The following AP4E1 variants were observed in gnomAD, a reference collection of about 807,000 sequenced individuals.
AP4E1 encodes the protein adaptor related protein complex 4 subunit epsilon 1, also known as AP-4 complex subunit epsilon-1.
Under a neutral mutation model 128.2 loss-of-function variants are expected in AP4E1, and 56 were observed. That is an observed-to-expected ratio of 0.44 (90% confidence interval 0.35 to 0.55). The LOEUF is 0.55. AP4E1 is among the 20% of genes least tolerant of loss of function. The pLI, the probability that AP4E1 is intolerant of heterozygous loss-of-function variation, is 0.00. For missense variants in AP4E1, 1,324 were observed against 1,307.7 expected (o/e 1.01, Z -0.19); for synonymous variants, 484 against 473.1 (o/e 1.02, Z -0.30).
Position 50,952,624 on chromosome 15 carries a change from T to C in AP4E1, c.1548+2455T>C, listed in dbSNP as rs117208868. Among the ~76,000 whole-genome samples, 551 of 152,270 alleles carry C rather than the reference T, an allele frequency of 3.6e-3. 13 individuals are homozygous for C. The highest frequency in any genetic ancestry group is 3.9e-3 in the East Asian group (20 of 5,190). On this transcript the variant is annotated intron_variant, in intron 13 of 20. Coordinates refer to ENST00000261842, the MANE Select transcript of AP4E1 (RefSeq NM_007347.5). Reference sequence around the variant, plus strand: ...ATGTCTCTTAGGGCTATTATTCTCCTCCTTTCAATCCCAGATCCAGTTGAG... The same window carrying C: ...ATGTCTCTTAGGGCTATTATTCTCCCCCTTTCAATCCCAGATCCAGTTGAG...
intron 3 of AP4E1, among the ~76,000 whole-genome samples, chr15:50,919,988 G>A (rs796601947): frequency 1.0e-3 from 153 of 147,986 alleles, no homozygotes; most frequent in African/African-American, 3.6e-3. Flanking sequence ...GGGGTCAGAG[G>A]ATTGCTTGAA....
At chr15:50,954,003 C>T (rs576614774) in intron 13 of AP4E1, among the ~76,000 whole-genome samples, 3 of 152,168 alleles carry the variant, frequency 2.0e-5, no homozygotes, top group Non-Finnish European at 2.9e-5. Context: ...GTACTATTTT[C>T]GGATTCAGGC....
intron 15 of AP4E1, among the ~76,000 whole-genome samples, chr15:50,980,917 A>G (rs1479349945): frequency 3.3e-5 from 5 of 152,178 alleles, no homozygotes; most frequent in African/African-American, 9.7e-5. Context: ...GGCGTCCTCC[A>G]CCTAGATTTC....
At chr15:50,948,292 C>T in intron 11 of AP4E1, 133 bp downstream of exon 11, 1 of 1,147,704 alleles carries the variant, frequency 8.7e-7, no homozygotes, top group Non-Finnish European at 1.2e-6. Context: ...GATTTTCAAG[C>T]CTCTCTTGTC....
rs754108995 is a variant in AP4E1 at position 50,997,488 on chromosome 15, G to A, written c.2509G>A (p.Asp837Asn). Residue 837 changes from aspartate (D) to asparagine (N), a missense_variant, in exon 18 of 21, where the codon GAT (aspartate) becomes AAT (asparagine). Physicochemically the swap from Asp to Asn is conservative, Grantham distance 23. Coordinates refer to ENST00000261842, the MANE Select transcript of AP4E1 (RefSeq NM_007347.5). Reference protein sequence around the residue: ...EDDYYSNTLHDTGDKELKKFS... With the variant: ...EDDYYSNTLHNTGDKELKKFS... ...TGATTATTATTCGAATACTTTGCACGATACAGGAGACAAGGAATTAAAGAA... is the reference window on the plus strand; with the variant it reads ...TGATTATTATTCGAATACTTTGCACAATACAGGAGACAAGGAATTAAAGAA... 2.0e-5 allele frequency: 33 copies of A among 1,613,896 alleles called. No individual in the cohort carries two copies. Among genetic ancestry groups the A allele is most frequent in the Non-Finnish European group, 2.5e-5 (30 of 1,179,974 alleles).
intron 1 of AP4E1, 131 bp from the exon 2 acceptor site, chr15:50,911,941 AGTATTT>A: frequency 1.4e-6 from 1 of 732,932 alleles, no homozygotes; most frequent in Non-Finnish European, 2.4e-6. Context: ...GTAAGCAGAT[AGTATTT>A]GTAACTCTCC....
chr15:50,944,342 A>G (rs557030259), intron 10 of AP4E1, among the ~76,000 whole-genome samples: 46 of 152,292 alleles, frequency 3.0e-4, no homozygotes, highest in Admixed American at 2.9e-3. Flanking sequence ...GGAGCTACCA[A>G]GTCTGAATAG....
At chr15:50,968,940 C>T (rs758298541) in intron 15 of AP4E1, among the ~76,000 whole-genome samples, 7 of 146,768 alleles carry the variant, frequency 4.8e-5, no homozygotes, top group African/African-American at 1.2e-4. Context: ...TTTTGAGGAA[C>T]TTTTTTTTTT....
At chr15:50,983,533 A>C (rs967797755) in intron 15 of AP4E1, among the ~76,000 whole-genome samples, 1 of 152,188 alleles carries the variant, frequency 6.6e-6, no homozygotes, top group African/African-American at 2.4e-5. Flanking sequence ...TTATTGAATT[A>C]ATTAGGTTAT....
chr15:50,941,414 C>T, intron 8 of AP4E1, 28 bp from the exon 9 acceptor site: 3 of 1,607,910 alleles, frequency 1.9e-6, no homozygotes, highest in Non-Finnish European at 2.6e-6. Flanking sequence ...TACCATGATA[C>T]CTGCCATTTT....
In AP4E1 at chr15:50,941,517, G is replaced by A; in HGVS notation, c.1019G>A (p.Cys340Tyr). 2 of 1,613,150 alleles carry A rather than the reference G, an allele frequency of 1.2e-6. No homozygotes were observed. The highest frequency in any genetic ancestry group is 1.7e-6 in the Non-Finnish European group (2 of 1,179,596). The change falls in exon 9 of 21, where the codon TGC becomes TAC. Residue 340 changes from cysteine (C) to tyrosine (Y), a missense_variant. Cys to Tyr is a radical substitution (Grantham distance 194). Coordinates refer to ENST00000261842, the MANE Select transcript of AP4E1 (RefSeq NM_007347.5). ...KSELLEKAAK[C>Y]IGKFVLSPKI... ...GAATTACTTGAGAAGGCTGCCAAGT[G>A]CATTGGAAAATTTGTTCTGTCACCT...
At chr15:50,979,106 A>G (rs988645493) in intron 15 of AP4E1, among the ~76,000 whole-genome samples, 1 of 152,056 alleles carries the variant, frequency 6.6e-6, no homozygotes, top group African/African-American at 2.4e-5. Context: ...TAAACTCTTT[A>G]TCTTTAATGT....
rs2065003926 is a variant in AP4E1, at chr15:51,005,086, A to G, written c.*2424A>G. The stretch of plus-strand genomic sequence containing the variant: ...TTTTTAGTAGAGACAAGGTTTCTCC[A>G]TGTTGGTCAGGCTGGTCTCGAACTC... On this transcript the variant is annotated 3_prime_UTR_variant, in exon 21 of 21. Transcript: ENST00000261842. The G allele has an allele frequency of 6.6e-6, 1 of 152,146 alleles. No individual in the cohort carries two copies. The highest frequency in any genetic ancestry group is 2.1e-4 in the South Asian group (1 of 4,828). 9.4% of individuals were successfully genotyped at this position (152,146 alleles called of 1,614,324 possible). A position where few individuals can be genotyped will look rare whatever the true frequency, so the allele number is the denominator to read the frequency against.
At chr15:50,931,420 G>A (rs1416155197) in intron 7 of AP4E1, among the ~76,000 whole-genome samples, 4 of 152,164 alleles carry the variant, frequency 2.6e-5, no homozygotes, top group Admixed American at 6.5e-5. Context: ...ACAAAAATTA[G>A]TTGGGCACAG....
chr15:50,947,999 T>C (rs1317086271), intron 10 of AP4E1, 21 bp from the exon 11 acceptor site: 2 of 1,545,942 alleles, frequency 1.3e-6, no homozygotes, highest in South Asian at 1.1e-5. Flanking sequence ...ATATTGTTTT[T>C]AATTTTTCTT....
At chr15:51,002,154 T>G (rs1567269861) in intron 20 of AP4E1, among the ~76,000 whole-genome samples, 1 of 152,228 alleles carries the variant, frequency 6.6e-6, no homozygotes, top group Non-Finnish European at 1.5e-5. Context: ...GTGCTGGGAT[T>G]ACAGGTGTGA....
chr15:50,926,963 A>G (rs914741461), intron 5 of AP4E1, among the ~76,000 whole-genome samples: 1 of 152,226 alleles, frequency 6.6e-6, no homozygotes, highest in African/African-American at 2.4e-5. Context: ...AGAATTACAG[A>G]ATAACTTCAT....
chr15:50,918,342 T>C (rs923335056), intron 3 of AP4E1, among the ~76,000 whole-genome samples: 4 of 152,188 alleles, frequency 2.6e-5, no homozygotes, highest in Non-Finnish European at 5.9e-5. Context: ...GGTCCTGCCA[T>C]TTTTGTTTTG....
chr15:50,969,534 T>G (rs1047800937), intron 15 of AP4E1, among the ~76,000 whole-genome samples: 5 of 152,126 alleles, frequency 3.3e-5, no homozygotes, highest in Non-Finnish European at 5.9e-5. Flanking sequence ...TGACAAATAA[T>G]TATACATATT....
Sources: gnomAD v4.1 joint callset for allele counts (sites outside exome capture counted in the v4.1 genomes callset) on GRCh38, gnomAD v4.1.1 for gene constraint, MANE v1.5 for transcripts, NCBI Gene and HGNC (gene_info 2026-07-23, HGNC 2026-07-21) for gene names.